The following TRIM44 variants were observed in gnomAD, a reference collection of about 807,000 sequenced individuals.
TRIM44 encodes the protein tripartite motif-containing protein 44.
In TRIM44, 13 loss-of-function variants were observed where a neutral mutation model predicts 37.4. That is an observed-to-expected ratio of 0.35 (90% CI 0.23 to 0.55). TRIM44 has a LOEUF of 0.55. TRIM44 is among the 20% of genes least tolerant of loss of function. The probability of loss-of-function intolerance (pLI) is 0.89; values close to 1 mark genes in which losing one functional copy is unlikely to be tolerated. For synonymous variants in TRIM44, 175 were observed against 157.2 expected (o/e 1.11, Z -0.85); for missense variants, 426 against 437.2 (o/e 0.97, Z 0.23).
At chr11:35,722,365 G>T (rs1476925824) in intron 2 of TRIM44, among the ~76,000 whole-genome samples, 1 of 152,180 alleles carries the variant, frequency 6.6e-6, no homozygotes, top group Non-Finnish European at 1.5e-5. Context: ...AGGGTTCTTG[G>T]ATCTTGCTCA....
Position 35,809,100 on chromosome 11 carries a change from T to G in TRIM44, c.*2715T>G, listed in dbSNP as rs1853495768. 2 of 152,190 alleles carry G rather than the reference T, an allele frequency of 1.3e-5. No individual in the cohort carries two copies. The highest frequency in any genetic ancestry group is 4.1e-4 in the South Asian group (2 of 4,828). 9.4% of individuals were successfully genotyped at this position (152,190 alleles called of 1,614,324 possible). On this transcript the variant is annotated 3_prime_UTR_variant, in exon 5 of 5. Transcript: ENST00000299413. ...TGCTGAGAGGGACTTTGATTTGATA[T>G]CATTAAATCCAGGACAGTCCCAAGA...
At chr11:35,779,870 C>T (rs1853037203) in intron 4 of TRIM44, among the ~76,000 whole-genome samples, 2 of 116,956 alleles carry the variant, frequency 1.7e-5, no homozygotes, top group Admixed American at 8.9e-5. Flanking sequence ...TTCCCCTTTG[C>T]CTATTTTTTT....
intron 4 of TRIM44, among the ~76,000 whole-genome samples, chr11:35,773,249 C>T (rs534879884): frequency 3.9e-5 from 6 of 152,260 alleles, no homozygotes; most frequent in African/African-American, 1.4e-4. Context: ...TCTTTGTCAG[C>T]AGTGTCAAAA....
chr11:35,677,353 T>A (rs1407239978), intron 1 of TRIM44, among the ~76,000 whole-genome samples: 6 of 151,886 alleles, frequency 4.0e-5, no homozygotes, highest in Admixed American at 6.5e-5. Context: ...ATCCTAAAAC[T>A]ATTTTCCCCT....
Position 35,685,528 on chromosome 11 carries a change from C to T in TRIM44, c.747+192C>T, listed in dbSNP as rs1369100548. The stretch of plus-strand genomic sequence containing the variant: ...ATTTTTCTCCTTCTCTATTTTATGA[C>T]TTACAACACATAATCATTCATTGTT... On this transcript the variant is annotated intron_variant, in intron 2 of 4. Coordinates refer to ENST00000299413, the MANE Select transcript of TRIM44 (RefSeq NM_017583.6). Among the ~76,000 whole-genome samples, 4 of 152,360 alleles carry T rather than the reference C, an allele frequency of 2.6e-5. 1 individual carries two copies. The East Asian group carries it at 5.8e-4, about 22-fold the overall frequency.
chr11:35,699,875 A>G (rs1851760735), intron 2 of TRIM44, among the ~76,000 whole-genome samples: 1 of 152,176 alleles, frequency 6.6e-6, no homozygotes, highest in Non-Finnish European at 1.5e-5. Flanking sequence ...TAAAATATCT[A>G]GGAATCCAAC....
chr11:35,715,093 T>C (rs541940176), intron 2 of TRIM44, among the ~76,000 whole-genome samples: 4 of 152,320 alleles, frequency 2.6e-5, no homozygotes, highest in Admixed American at 6.5e-5. Context: ...GCATCCCCAG[T>C]GAACTGCTTT....
chr11:35,730,690 T>C (rs568702600), intron 3 of TRIM44, among the ~76,000 whole-genome samples: 84 of 152,264 alleles, frequency 5.5e-4, no homozygotes, highest in African/African-American at 2.0e-3. Flanking sequence ...TCAGAAATGG[T>C]TCATGGTTTT....
intron 4 of TRIM44, among the ~76,000 whole-genome samples, chr11:35,773,273 G>T (rs1852899582): frequency 6.6e-6 from 1 of 151,986 alleles, no homozygotes; most frequent in East Asian, 1.9e-4. Flanking sequence ...ACTAATACAG[G>T]TGCCTTTTTT....
intron 2 of TRIM44, among the ~76,000 whole-genome samples, chr11:35,702,671 G>A (rs557094995): frequency 2.4e-4 from 37 of 152,312 alleles, no homozygotes; most frequent in Middle Eastern, 3.4e-3. Flanking sequence ...TAGTTTGTGC[G>A]TGTGTGTATT....
At chr11:35,669,820 TTTG>T (rs774338310) in intron 1 of TRIM44, among the ~76,000 whole-genome samples, 2 of 151,724 alleles carry the variant, frequency 1.3e-5, no homozygotes, top group Non-Finnish European at 2.9e-5. Context: ...TTGTTTGTTT[TTTG>T]TTGTTGTTGT....
rs1055677604 is a variant in TRIM44, at chr11:35,806,557, T to G, written c.*172T>G. On this transcript the variant is annotated 3_prime_UTR_variant, in exon 5 of 5. Transcript: ENST00000299413. ...TCTCTCCAAGGGATGACCAGTTTTA[T>G]GCTTACTGTGTGCTTCTCATCCCCT... 7.5e-6 allele frequency: 5 copies of G among 670,854 alleles called. No homozygotes were observed. Among genetic ancestry groups the G allele is most frequent in the Non-Finnish European group, 1.0e-5 (4 of 383,380 alleles). 41.6% of individuals were successfully genotyped at this position (670,854 alleles called of 1,614,324 possible).
At chr11:35,682,068 C>T (rs539328680) in intron 1 of TRIM44, among the ~76,000 whole-genome samples, 19 of 150,774 alleles carry the variant, frequency 1.3e-4, no homozygotes, top group African/African-American at 4.4e-4. Flanking sequence ...AGGCGATTCT[C>T]CTGCCTCAGC....
chr11:35,706,188 T>A (rs1590526295), intron 2 of TRIM44, among the ~76,000 whole-genome samples: 1 of 149,046 alleles, frequency 6.7e-6, no homozygotes, highest in African/African-American at 2.4e-5. Flanking sequence ...CCTTGACACA[T>A]GCACCCTCCC....
At chr11:35,739,141 T>C (rs1457705453) in intron 4 of TRIM44, among the ~76,000 whole-genome samples, 4 of 152,206 alleles carry the variant, frequency 2.6e-5, no homozygotes, top group African/African-American at 9.6e-5. Flanking sequence ...GTGCAGTTAT[T>C]CTGCTAATTT....
chr11:35,666,803 A>G (rs1342471552), intron 1 of TRIM44, among the ~76,000 whole-genome samples: 1 of 151,822 alleles, frequency 6.6e-6, no homozygotes, highest in Non-Finnish European at 1.5e-5. Flanking sequence ...CTAATTGAAT[A>G]TAGGAATATG....
At chr11:35,683,425 A>G (rs1398252920) in intron 1 of TRIM44, among the ~76,000 whole-genome samples, 3 of 152,130 alleles carry the variant, frequency 2.0e-5, no homozygotes, top group Non-Finnish European at 2.9e-5. Context: ...AGAGGGGGGA[A>G]AATTGACCCT....
chr11:35,730,116 C>T (rs1852236755), intron 3 of TRIM44, among the ~76,000 whole-genome samples: 1 of 152,152 alleles, frequency 6.6e-6, no homozygotes, highest in Non-Finnish European at 1.5e-5. Flanking sequence ...TGAGCAATTA[C>T]AAGCACTCTG....
At chr11:35,734,339 A>G (rs534608480) in intron 3 of TRIM44, among the ~76,000 whole-genome samples, 17 of 152,354 alleles carry the variant, frequency 1.1e-4, no homozygotes, top group African/African-American at 4.1e-4. Context: ...CCTATGATAC[A>G]GAGACAATTA....
Sources: allele counts gnomAD v4.1 joint callset (sites outside exome capture counted in the v4.1 genomes callset), GRCh38; gene constraint gnomAD v4.1.1; transcripts MANE v1.5; gene names NCBI Gene and HGNC (gene_info 2026-07-23, HGNC 2026-07-21).